Variants in PPM1L observed in about 807,000 individuals in gnomAD.
PPM1L encodes the protein protein phosphatase 1L.
PPM1L carries 13 observed loss-of-function variants against 31.4 expected under a neutral mutation model. The ratio of observed to expected loss-of-function variants is 0.41; its 90% CI spans 0.27 to 0.66. The LOEUF (loss-of-function observed/expected upper bound fraction) is 0.66. PPM1L is among the 30% of genes least tolerant of loss of function. PPM1L has a pLI of 0.29. For missense variants in PPM1L, 326 were observed against 453.7 expected, an observed-to-expected ratio of 0.72 and a Z score of 2.56; for synonymous variants, 184 against 175.4, an observed-to-expected ratio of 1.05 and a Z score of -0.39.
intron 1 of PPM1L, among the ~76,000 whole-genome samples, chr3:160,904,709 A>T (rs1713682328): frequency 6.7e-6 from 1 of 149,066 alleles, no homozygotes. Context: ...TAGGCACATT[A>T]TATTATGGGG....
At chr3:160,817,149 T>G (rs1039615402) in intron 1 of PPM1L, among the ~76,000 whole-genome samples, 3 of 152,218 alleles carry the variant, frequency 2.0e-5, no homozygotes, top group Admixed American at 2.0e-4. Flanking sequence ...GATCTCATAC[T>G]TGCACGGGTG....
intron 1 of PPM1L, among the ~76,000 whole-genome samples, chr3:160,783,688 C>A (rs1180955511): frequency 6.6e-6 from 1 of 151,860 alleles, no homozygotes; most frequent in African/African-American, 2.4e-5. Context: ...AAAAAAAATT[C>A]TATGGTTGAC....
intron 2 of PPM1L, among the ~76,000 whole-genome samples, chr3:161,001,431 T>C (rs13060718): frequency 0.28 from 41,994 of 151,928 alleles, 6,155 homozygotes; most frequent in East Asian, 0.58. Flanking sequence ...TACAGGTGTG[T>C]GCCACCATGC....
At chr3:161,045,684 T>C (rs2108092937) in intron 2 of PPM1L, among the ~76,000 whole-genome samples, 1 of 152,202 alleles carries the variant, frequency 6.6e-6, no homozygotes, top group East Asian at 1.9e-4. Flanking sequence ...GATCTAACAT[T>C]GACACCCTAA....
intron 1 of PPM1L, among the ~76,000 whole-genome samples, chr3:160,890,192 CAGG>C (rs1403473205): frequency 6.6e-6 from 1 of 152,128 alleles, no homozygotes; most frequent in Non-Finnish European, 1.5e-5. Flanking sequence ...CATAGGAAGA[CAGG>C]AGGTCAAATT....
intron 2 of PPM1L, among the ~76,000 whole-genome samples, chr3:161,055,883 T>C (rs1719396237): frequency 2.0e-5 from 3 of 152,166 alleles, no homozygotes; most frequent in African/African-American, 7.2e-5. Context: ...AGTCTGGCAT[T>C]GTGTGGGTGA....
chr3:161,025,793 TAGGTTA>T (rs1718369880), intron 2 of PPM1L, among the ~76,000 whole-genome samples: 2 of 152,070 alleles, frequency 1.3e-5, no homozygotes, highest in African/African-American at 4.8e-5. Flanking sequence ...ACTAAGACGA[TAGGTTA>T]AGCAAAATGG....
At chr3:160,760,259 GATTA>G (rs1422455400) in intron 1 of PPM1L, among the ~76,000 whole-genome samples, 2 of 152,172 alleles carry the variant, frequency 1.3e-5, no homozygotes, top group African/African-American at 4.8e-5. Context: ...TATTCTCTAT[GATTA>G]ATTAAGAAAT....
chr3:160,794,683 A>G (rs1712195850), intron 1 of PPM1L, among the ~76,000 whole-genome samples: 1 of 152,190 alleles, frequency 6.6e-6, no homozygotes. Flanking sequence ...ACTTTATAAC[A>G]GGGTGTCCAA....
At chr3:160,826,679 G>A (rs915237934) in intron 1 of PPM1L, among the ~76,000 whole-genome samples, 2 of 151,970 alleles carry the variant, frequency 1.3e-5, no homozygotes, top group Non-Finnish European at 2.9e-5. Flanking sequence ...CCACTGTCTG[G>A]TTTTTCTTAT....
At chr3:160,925,072 G>A (rs969330094) in intron 1 of PPM1L, among the ~76,000 whole-genome samples, 1 of 152,080 alleles carries the variant, frequency 6.6e-6, no homozygotes, top group East Asian at 1.9e-4. Flanking sequence ...AATTCAAGTT[G>A]TAAAAAGCAG....
chr3:161,033,050 G>A (rs1368191027), intron 2 of PPM1L, among the ~76,000 whole-genome samples: 1 of 135,562 alleles, frequency 7.4e-6, no homozygotes, highest in East Asian at 3.1e-4. Flanking sequence ...CCAGGGAGGA[G>A]ATAGAGTATC....
At chr3:161,039,767 C>T (rs1333545323) in intron 2 of PPM1L, among the ~76,000 whole-genome samples, 2 of 152,156 alleles carry the variant, frequency 1.3e-5, no homozygotes, top group African/African-American at 2.4e-5. Flanking sequence ...CCGCCCGCCT[C>T]GGCCTCCCAA....
intron 1 of PPM1L, among the ~76,000 whole-genome samples, chr3:160,757,817 A>T (rs1030117968): frequency 8.5e-5 from 13 of 152,090 alleles, no homozygotes; most frequent in African/African-American, 2.9e-4. Context: ...GTTTTCCCCC[A>T]ACTTTCTTCT....
chr3:160,923,981 G>A (rs1398124589), intron 1 of PPM1L, among the ~76,000 whole-genome samples: 3 of 152,176 alleles, frequency 2.0e-5, no homozygotes, highest in Non-Finnish European at 4.4e-5. Flanking sequence ...ACCATCATCT[G>A]TGTGCCCCCT....
chr3:160,757,165 G>C (rs1233404084), intron 1 of PPM1L, among the ~76,000 whole-genome samples: 1 of 152,230 alleles, frequency 6.6e-6, no homozygotes, highest in East Asian at 1.9e-4. Context: ...TATATCTGCA[G>C]AGCGAGCTCA....
intron 1 of PPM1L, among the ~76,000 whole-genome samples, chr3:160,882,050 CA>C (rs35341382): frequency 5.9e-4 from 74 of 125,922 alleles, no homozygotes; most frequent in Admixed American, 1.8e-3. Context: ...GACTCTGTCT[CA>C]AAAAAAAAAA....
chr3:161,035,419 A>G (rs1027543924), intron 2 of PPM1L, among the ~76,000 whole-genome samples: 4 of 152,200 alleles, frequency 2.6e-5, no homozygotes, highest in African/African-American at 9.6e-5. Context: ...GAGATAAGTA[A>G]CCATTGCTTC....
At chr3:160,778,835 T>C (rs1359404649) in intron 1 of PPM1L, among the ~76,000 whole-genome samples, 1 of 152,200 alleles carries the variant, frequency 6.6e-6, no homozygotes, top group African/African-American at 2.4e-5. Context: ...AAAACCTGTC[T>C]TGAGAACTTT....
Sources: gnomAD v4.1 joint callset for allele counts (sites outside exome capture counted in the v4.1 genomes callset) on GRCh38, gnomAD v4.1.1 for gene constraint, MANE v1.5 for transcripts, NCBI Gene and HGNC (gene_info 2026-07-23, HGNC 2026-07-21) for gene names.